SEC31A: variants seen among roughly 807,000 people sequenced by gnomAD.
The protein encoded by SEC31A is SEC31 homolog A, COPII component.
In SEC31A, 70 loss-of-function variants were observed where a neutral mutation model predicts 151.0. The ratio of observed to expected loss-of-function variants is 0.46; its 90% CI spans 0.38 to 0.57. The LOEUF is 0.57. SEC31A is among the 20% of genes least tolerant of loss of function. The probability of loss-of-function intolerance (pLI) is 0.00; values close to 1 mark genes in which losing one functional copy is unlikely to be tolerated. For missense variants in SEC31A, 1,330 were observed against 1,471.2 expected (o/e 0.90, Z 1.57); for synonymous variants, 475 against 505.9 (o/e 0.94, Z 0.82).
intron 1 of SEC31A, among the ~76,000 whole-genome samples, chr4:82,885,571 A>G (rs1011268071): frequency 6.6e-6 from 1 of 152,206 alleles, no homozygotes; most frequent in East Asian, 1.9e-4. Flanking sequence ...ACATGGTTAT[A>G]GTCAATAGTA....
chr4:82,850,018 C>T (rs528537235), intron 19 of SEC31A, among the ~76,000 whole-genome samples: 4 of 151,590 alleles, frequency 2.6e-5, no homozygotes, highest in South Asian at 2.1e-4. Flanking sequence ...AGTCTCAGGA[C>T]GTATTCCCCC....
At chr4:82,859,930 T>G (rs1418961882) in intron 14 of SEC31A, among the ~76,000 whole-genome samples, 1 of 152,022 alleles carries the variant, frequency 6.6e-6, no homozygotes, top group Non-Finnish European at 1.5e-5. Context: ...TAGCTGGGAC[T>G]ACAGGCGCCC....
At position 82,862,533 on chromosome 4, in the gene SEC31A, C is replaced by G; in HGVS notation, c.1548+1G>C. The stretch of plus-strand genomic sequence containing the variant: ...GTAGCTATTTTTAAAGGCCTTCTTA[C>G]CACATTGGCTCCATCCACTTTGTTC... On this transcript the variant is annotated splice_donor_variant, in intron 13 of 26. Coordinates refer to ENST00000395310, the MANE Select transcript of SEC31A (RefSeq NM_001077207.4). LOFTEE classifies it high-confidence loss of function. 3.1e-6 allele frequency: 5 copies of G among 1,612,944 alleles called. No individual in the cohort carries two copies. Among genetic ancestry groups the G allele is most frequent in the Non-Finnish European group, 4.2e-6 (5 of 1,179,094 alleles).
upstream of SEC31A, chr4:82,895,482 C>A (rs559721931): frequency 6.6e-6 from 1 of 152,212 alleles, no homozygotes; most frequent in East Asian, 1.9e-4. Flanking sequence ...AAAAGCTCCA[C>A]CCCCTCCAAT....
At chr4:82,850,589 G>A (rs961228412) in intron 19 of SEC31A, among the ~76,000 whole-genome samples, 2 of 152,206 alleles carry the variant, frequency 1.3e-5, no homozygotes, top group African/African-American at 4.8e-5. Context: ...AGACAAGACT[G>A]TATCTGCAAG....
chr4:82,821,338 G>A (rs770431002), intron 25 of SEC31A: 221 of 421,346 alleles, frequency 5.2e-4, no homozygotes, highest in Non-Finnish European at 8.5e-4. Flanking sequence ...CATGAGGTCA[G>A]GAGTTTGAGA....
chr4:82,871,358 A>AGGTAC, intron 7 of SEC31A: 1 of 1,520,888 alleles, frequency 6.6e-7, no homozygotes, highest in Non-Finnish European at 8.8e-7. Flanking sequence ...GGTACAGTAA[A>AGGTAC]ATGTTTTACC....
At chr4:82,827,757 T>G (rs929214426) in intron 23 of SEC31A, 125 bp from the exon 24 acceptor site, 2 of 874,316 alleles carry the variant, frequency 2.3e-6, no homozygotes, top group Non-Finnish European at 3.6e-6. Flanking sequence ...AGTAGTAGAA[T>G]ACTTTTTTCA....
chr4:82,891,191 G>A (rs1169218287), upstream of SEC31A: 8 of 1,533,326 alleles, frequency 5.2e-6, no homozygotes, highest in Non-Finnish European at 7.0e-6. Flanking sequence ...CCACCTCCAC[G>A]TTCCGTTCCA....
intron 24 of SEC31A, among the ~76,000 whole-genome samples, chr4:82,824,925 T>C (rs1190517517): frequency 6.6e-6 from 1 of 152,226 alleles, no homozygotes; most frequent in South Asian, 2.1e-4. Context: ...AGTTGATTAA[T>C]TTAGGTAACA....
At chr4:82,864,779 T>G (rs1311910138) in intron 10 of SEC31A, among the ~76,000 whole-genome samples, 181 bp from the exon 11 acceptor site, 1 of 143,392 alleles carries the variant, frequency 7.0e-6, no homozygotes, top group Non-Finnish European at 1.5e-5. Flanking sequence ...GGTTTTTTGG[T>G]TTTTTTTTTT....
At chr4:82,897,965 A>G (rs2126005995) in intron 3 of SEC31A, 1 of 152,328 alleles carries the variant, frequency 6.6e-6, no homozygotes, top group East Asian at 1.9e-4. Flanking sequence ...TACTTAATAC[A>G]TTTAAAATAG....
intron 1 of SEC31A, among the ~76,000 whole-genome samples, chr4:82,884,452 A>T (rs963982355): frequency 6.6e-6 from 1 of 152,236 alleles, no homozygotes; most frequent in African/African-American, 2.4e-5. Flanking sequence ...TGAGCCACAA[A>T]GTACAAAAAA....
At chr4:82,832,773 A>G (rs139850880) in intron 22 of SEC31A, among the ~76,000 whole-genome samples, 2,592 of 152,364 alleles carry the variant, frequency 0.017, 22 homozygotes, top group Non-Finnish European at 0.028. Flanking sequence ...TCAAAAGAAG[A>G]CATTTATACA....
At chr4:82,867,662 C>T (rs1161396064) in intron 8 of SEC31A, among the ~76,000 whole-genome samples, 2 of 151,984 alleles carry the variant, frequency 1.3e-5, no homozygotes, top group Non-Finnish European at 2.9e-5. Flanking sequence ...GACAGGGTCT[C>T]GCTCTGTCGC....
chr4:82,853,801 G>A (rs1731951973), intron 17 of SEC31A, 86 bp from the exon 18 acceptor site: 2 of 1,086,900 alleles, frequency 1.8e-6, no homozygotes, highest in Non-Finnish European at 2.6e-6. Flanking sequence ...ATTTTCAGAG[G>A]CATGGATTAA....
At chr4:82,825,929 C>T (rs1305803338) in intron 24 of SEC31A, among the ~76,000 whole-genome samples, 1 of 152,116 alleles carries the variant, frequency 6.6e-6, no homozygotes, top group East Asian at 1.9e-4. Flanking sequence ...AGGTTTTTGC[C>T]TGGATTCCAC....
chr4:82,840,510 G>A (rs1728480905), intron 22 of SEC31A, among the ~76,000 whole-genome samples: 1 of 152,196 alleles, frequency 6.6e-6, no homozygotes, highest in South Asian at 2.1e-4. Context: ...TGCATACAGT[G>A]TGTATGTGTG....
At chr4:82,856,426 G>T (rs927248843) in intron 16 of SEC31A, among the ~76,000 whole-genome samples, 1 of 151,626 alleles carries the variant, frequency 6.6e-6, no homozygotes, top group Non-Finnish European at 1.5e-5. Flanking sequence ...TGAGATCACA[G>T]GCGTGAGCCA....
Sources: allele counts gnomAD v4.1 joint callset (sites outside exome capture counted in the v4.1 genomes callset), GRCh38; gene constraint gnomAD v4.1.1; transcripts MANE v1.5; gene names NCBI Gene and HGNC (gene_info 2026-07-23, HGNC 2026-07-21).